PRH1: variants seen among roughly 807,000 people sequenced by gnomAD.
PRH1 encodes the protein proline rich protein HaeIII subfamily 1, also known as salivary acidic proline-rich phosphoprotein 1/2.
A neutral mutation model predicts 7.9 loss-of-function variants in PRH1; 7 were observed. The observed-to-expected ratio is 0.89, with a 90% CI of 0.50 to 1.67. The LOEUF (loss-of-function observed/expected upper bound fraction) is 1.67. PRH1 is among the 40% of genes most tolerant of loss of function. The pLI is 0.00. For missense variants in PRH1, 109 were observed against 223.6 expected (o/e 0.49, Z 3.27); for synonymous variants, 45 against 80.8 (o/e 0.56, Z 2.38).
intron 1 of PRH1, among the ~76,000 whole-genome samples, chr12:11,151,623 G>C (rs1947088580): frequency 1.3e-5 from 2 of 151,936 alleles, no homozygotes; most frequent in African/African-American, 2.4e-5. Context: ...GGTAATGCAG[G>C]CTCAAATAAA....
intron 2 of PRH1, chr12:10,938,798 G>A (rs1323977046): frequency 1.2e-6 from 2 of 1,613,308 alleles, no homozygotes; most frequent in East Asian, 4.5e-5. Context: ...GAAGACCGAA[G>A]TCACAAGAAG....
At chr12:10,903,181 GA>G (rs1347475675) in intron 2 of PRH1, among the ~76,000 whole-genome samples, 2 of 151,432 alleles carry the variant, frequency 1.3e-5, no homozygotes, top group African/African-American at 4.8e-5. Context: ...AACACAAATA[GA>G]AAAGAAAAAA....
At chr12:11,102,116 C>G (rs1418331298) in intron 1 of PRH1, among the ~76,000 whole-genome samples, 1 of 152,040 alleles carries the variant, frequency 6.6e-6, no homozygotes, top group Non-Finnish European at 1.5e-5. Flanking sequence ...GCCATACTTC[C>G]CAAGGTAATT....
intron 2 of PRH1, among the ~76,000 whole-genome samples, chr12:10,910,252 T>C (rs1379540496): frequency 6.6e-6 from 1 of 152,120 alleles, no homozygotes; most frequent in Admixed American, 6.6e-5. Flanking sequence ...TATGATAAAG[T>C]TTAATTTGTA....
upstream of PRH1, chr12:11,048,809 C>T: frequency 3.4e-6 from 1 of 295,182 alleles, no homozygotes; most frequent in Non-Finnish European, 6.8e-6. Context: ...ACACTCTCAC[C>T]CGTGGTTATC....
intron 2 of PRH1, among the ~76,000 whole-genome samples, chr12:10,932,046 A>AT (rs1188138570): frequency 6.6e-6 from 1 of 152,216 alleles, no homozygotes. Flanking sequence ...AGTTTAAAGC[A>AT]CATTACGTGC....
At position 10,944,595 on chromosome 12, in the gene PRH1, GT is replaced by G. The variant is rs532910030; in HGVS notation, c.-59+29059del. On this transcript the variant is annotated intron_variant, in intron 2 of 3. Transcript: ENST00000539853. Reference sequence around the variant, plus strand: ...CTCTGGCCAGGACTTCCAATACTATGTTGAAAAGAAATGGTGACAGAGGGAA... The same window carrying G: ...CTCTGGCCAGGACTTCCAATACTATGTGAAAAGAAATGGTGACAGAGGGAA... Among the ~76,000 whole-genome samples the G allele has an allele frequency of 6.4e-4, 98 of 152,232 alleles. 1 individual carries two copies. Among genetic ancestry groups the G allele is most frequent in the African/African-American group, 1.9e-3 (81 of 41,544 alleles).
intron 1 of PRH1, among the ~76,000 whole-genome samples, chr12:11,139,553 T>C (rs1372982778): frequency 2.0e-5 from 3 of 152,262 alleles, no homozygotes; most frequent in Non-Finnish European, 4.4e-5. Flanking sequence ...TATTATTATC[T>C]ATGTAGCTCA....
intron 2 of PRH1, chr12:10,965,417 T>C: frequency 1.5e-6 from 1 of 651,548 alleles, no homozygotes; most frequent in Non-Finnish European, 2.3e-6. Flanking sequence ...TCCTTTAATA[T>C]CCTGACCTTA....
At chr12:10,899,237 C>T (rs964187346) in intron 2 of PRH1, among the ~76,000 whole-genome samples, 3 of 151,912 alleles carry the variant, frequency 2.0e-5, no homozygotes, top group East Asian at 1.9e-4. Flanking sequence ...GATGCAGCAA[C>T]GTGTTAAGAA....
intron 1 of PRH1, among the ~76,000 whole-genome samples, chr12:11,002,485 T>A (rs950905385): frequency 6.6e-6 from 1 of 152,118 alleles, no homozygotes; most frequent in Non-Finnish European, 1.5e-5. Context: ...AAAAGTGCCC[T>A]ACAACAAAGA....
intron 1 of PRH1, among the ~76,000 whole-genome samples, chr12:10,979,860 A>C (rs1228380080): frequency 6.6e-6 from 1 of 152,174 alleles, no homozygotes; most frequent in East Asian, 1.9e-4. Flanking sequence ...TTTTTTGTCT[A>C]AATATCTGAA....
chr12:10,932,424 G>T, intron 2 of PRH1: 1 of 186,420 alleles, frequency 5.4e-6, no homozygotes, highest in Non-Finnish European at 1.2e-5. Flanking sequence ...GATGTTTCCA[G>T]CAAGCTTCTT....
chr12:10,986,375 CAT>C (rs763659057), intron 1 of PRH1: 31 of 1,613,908 alleles, frequency 1.9e-5, no homozygotes, highest in Non-Finnish European at 2.5e-5. Flanking sequence ...TCTTCCCAGT[CAT>C]GTTTCCTTCA....
At chr12:11,099,585 T>A (rs1945171044) in intron 1 of PRH1, among the ~76,000 whole-genome samples, 1 of 152,164 alleles carries the variant, frequency 6.6e-6, no homozygotes, top group South Asian at 2.1e-4. Flanking sequence ...TAGTCCCATC[T>A]ACTCAGAAGG....
chr12:10,917,296 T>G (rs1320439930), intron 2 of PRH1, among the ~76,000 whole-genome samples: 1 of 150,596 alleles, frequency 6.6e-6, no homozygotes, highest in Non-Finnish European at 1.5e-5. Flanking sequence ...ATTTTATAAT[T>G]TTTTTTATTT....
chr12:11,115,891 G>A (rs555220680), downstream of PRH1, among the ~76,000 whole-genome samples: 36 of 152,002 alleles, frequency 2.4e-4, 1 homozygote, highest in Admixed American at 9.2e-4. Flanking sequence ...GAAATACAGC[G>A]AAAGCAATAC....
chr12:11,052,751 C>T (rs976782999), intron 1 of PRH1, among the ~76,000 whole-genome samples: 15 of 133,322 alleles, frequency 1.1e-4, no homozygotes, highest in African/African-American at 3.9e-4. Flanking sequence ...CGTGCTCTAA[C>T]TGGTTGACTC....
rs7311652 is a variant in PRH1, at chr12:11,011,250, G to A, written c.-126+35770C>T. Among the ~76,000 whole-genome samples the A allele has an allele frequency of 5.8e-3, 875 of 152,100 alleles. 4 individuals carry two copies. Among genetic ancestry groups the A allele is most frequent in the Non-Finnish European group, 1.0e-2 (678 of 67,934 alleles). Reference sequence around the variant, plus strand: ...AAGGTCCTGACCTTAAATTCTATGTGCACCTGATTTCTGAATGTGCAGTAA... The same window carrying A: ...AAGGTCCTGACCTTAAATTCTATGTACACCTGATTTCTGAATGTGCAGTAA... On this transcript the variant is annotated intron_variant, in intron 1 of 3. Transcript: ENST00000539853.
Sources: gnomAD v4.1 joint callset for allele counts (sites outside exome capture counted in the v4.1 genomes callset) on GRCh38, gnomAD v4.1.1 for gene constraint, MANE v1.5 for transcripts, NCBI Gene and HGNC (gene_info 2026-07-23, HGNC 2026-07-21) for gene names.